SRP19: variants seen among roughly 807,000 people sequenced by gnomAD.
SRP19 encodes signal recognition particle 19 kDa protein.
SRP19 carries 11 observed loss-of-function variants against 22.4 expected under a neutral mutation model. The ratio of observed to expected loss-of-function variants is 0.49; its 90% confidence interval spans 0.31 to 0.81. The LOEUF (loss-of-function observed/expected upper bound fraction) is 0.81, where lower values mean the gene tolerates loss of function less well. SRP19 is among the 40% of genes least tolerant of loss of function. The pLI, the probability that SRP19 is intolerant of heterozygous loss-of-function variation, is 0.05. For synonymous variants in SRP19, 61 were observed against 57.6 expected (o/e 1.06, Z -0.27); for missense variants, 168 against 175.9 (o/e 0.96, Z 0.25).
chr5:112,889,088 T>C (rs541093826), intron 4 of SRP19, among the ~76,000 whole-genome samples: 8 of 150,910 alleles, frequency 5.3e-5, no homozygotes, highest in Admixed American at 1.3e-4. Flanking sequence ...TCCACCATGA[T>C]TGTGAGGTCT....
At chr5:112,884,389 T>A (rs1768168418) in intron 4 of SRP19, among the ~76,000 whole-genome samples, 1 of 145,632 alleles carries the variant, frequency 6.9e-6, no homozygotes, top group Admixed American at 6.9e-5. Flanking sequence ...CATTTTCTAT[T>A]TTTTTTTTTT....
intron 4 of SRP19, chr5:112,876,294 C>T (rs1359156488): frequency 6.6e-6 from 1 of 152,174 alleles, no homozygotes; most frequent in African/African-American, 2.4e-5. Flanking sequence ...GAGCAGTGTT[C>T]ATGGCTCATT....
intron 4 of SRP19, among the ~76,000 whole-genome samples, chr5:112,888,327 T>G (rs1768324471): frequency 6.6e-6 from 1 of 152,222 alleles, no homozygotes; most frequent in South Asian, 2.1e-4. Flanking sequence ...CACAAATAGC[T>G]CACTCCATCA....
At chr5:112,870,659 G>A (rs1349128458), downstream of SRP19, among the ~76,000 whole-genome samples, 1 of 152,194 alleles carries the variant, frequency 6.6e-6, no homozygotes, top group Non-Finnish European at 1.5e-5. Context: ...GAACCTTTGG[G>A]AGGTGATTGG....
At chr5:112,887,096 T>C (rs1486292875) in intron 4 of SRP19, 2 of 1,613,620 alleles carry the variant, frequency 1.2e-6, no homozygotes, top group Non-Finnish European at 1.7e-6. Flanking sequence ...GACTCGTGCT[T>C]CAGGAAGAAA....
downstream of SRP19, chr5:112,893,896 G>A (rs1302673022): frequency 1.3e-5 from 2 of 152,220 alleles, no homozygotes; most frequent in East Asian, 3.9e-4. Context: ...GCCAGCAGCA[G>A]ATCTTACTGA....
exon 5 of SRP19, chr5:112,892,882 C>T (rs771259435): frequency 1.3e-5 from 21 of 1,612,376 alleles, no homozygotes; most frequent in African/African-American, 5.4e-5. Context: ...ATCTCACAAA[C>T]GCACATCAAA....
intron 4 of SRP19, among the ~76,000 whole-genome samples, chr5:112,883,761 A>G (rs945768276): frequency 6.6e-6 from 1 of 152,146 alleles, no homozygotes; most frequent in African/African-American, 2.4e-5. Context: ...AATGTCCAGG[A>G]CTAAATTCCA....
At position 112,876,902 on chromosome 5, in the gene SRP19, G is replaced by GTAAC. The variant is rs1767911200; in HGVS notation, c.301+12172_301+12175dup. ...AGCCTGTAAGTCATTATGAGCAATA[G>GTAAC]TAACTTTTGTACCTCCTCATCTTGT... On this transcript the variant is annotated intron_variant, in intron 4 of 4. Coordinates refer to the SRP19 transcript ENST00000391338. 3 of 152,106 alleles carry GTAAC rather than the reference G, an allele frequency of 2.0e-5. No homozygotes were observed. The South Asian group carries it at 6.3e-4, about 32-fold the overall frequency. The allele number at this position is 152,106 out of a possible 1,614,324, so 9.4% of individuals were successfully genotyped here.
chr5:112,868,353 C>G lies in SRP19; in HGVS notation c.*816C>G, dbSNP rs893790034. 1.0e-6 allele frequency: 1 copy of G among 992,434 alleles called. No homozygotes were observed. The highest frequency in any genetic ancestry group is 1.2e-6 in the Non-Finnish European group (1 of 835,226). 61.5% of individuals were successfully genotyped at this position (992,434 alleles called of 1,614,324 possible). ...GCCTGGTTTAGCTCTTCCTTGAATT[C>G]TGCAAGCTATCTCATATTTTCAGTA... On this transcript the variant is annotated 3_prime_UTR_variant, in exon 5 of 5. Transcript: ENST00000505459.
intron 4 of SRP19, chr5:112,876,261 A>G (rs1436465419): frequency 6.6e-6 from 1 of 152,228 alleles, no homozygotes; most frequent in Non-Finnish European, 1.5e-5. Context: ...ACTACAAGCC[A>G]TGTGAGGAAT....
intron 4 of SRP19, among the ~76,000 whole-genome samples, chr5:112,875,259 A>C (rs972965860): frequency 3.3e-5 from 5 of 152,238 alleles, no homozygotes; most frequent in African/African-American, 1.2e-4. Flanking sequence ...TCTGAATTGT[A>C]CCTGTGTTAT....
intron 4 of SRP19, among the ~76,000 whole-genome samples, chr5:112,890,696 A>T (rs1768412292): frequency 6.6e-6 from 1 of 150,516 alleles, no homozygotes; most frequent in South Asian, 2.1e-4. Flanking sequence ...CACTCTAAAG[A>T]TATATACAGA....
At chr5:112,865,857 G>T (rs934718811) in intron 4 of SRP19, among the ~76,000 whole-genome samples, 2 of 152,156 alleles carry the variant, frequency 1.3e-5, no homozygotes, top group African/African-American at 4.8e-5. Context: ...CTCCCAAAGT[G>T]CTGGGATTAC....
At position 112,892,148 on chromosome 5, in the gene SRP19, T is replaced by A. The variant is rs768423518; in HGVS notation, c.*541T>A. ...GAACCACCCGTGGATTTCAGAGTAA[T>A]GGAGAAGGATCGAGCTAATTGTCCC... is the stretch of plus-strand genomic sequence containing the variant. On this transcript the variant is annotated 3_prime_UTR_variant, in exon 5 of 5. Transcript: ENST00000391338. 8 of 1,614,146 alleles carry A rather than the reference T, an allele frequency of 5.0e-6. No homozygotes were observed. In the South Asian group the frequency reaches 6.6e-5, roughly 13 times the overall value.
downstream of SRP19, among the ~76,000 whole-genome samples, chr5:112,873,075 G>A (rs1767792357): frequency 2.1e-5 from 3 of 142,946 alleles, no homozygotes; most frequent in African/African-American, 7.6e-5. Context: ...ACAGTTGTGT[G>A]CTTTGTGTGG....
At position 112,864,625 on chromosome 5, in the gene SRP19, A is replaced by G; in HGVS notation, c.194A>G (p.Asn65Ser). ...AVGLNVFLEK[N>S]KMYSREWNRD... ...CTTTTGTTTCGTTTATGTTAGAAAA[A>G]TAAAATGTACTCTAGAGAATGGAAT... Residue 65 changes from asparagine to serine, a missense_variant, in exon 4 of 5, where the codon AAT becomes AGT. Transcript: ENST00000505459. 2 of 1,613,946 alleles carry G rather than the reference A, an allele frequency of 1.2e-6. No homozygotes were observed. The highest frequency in any genetic ancestry group is 1.7e-6 in the Non-Finnish European group (2 of 1,179,892).
At chr5:112,883,652 A>C (rs1206233039) in intron 4 of SRP19, among the ~76,000 whole-genome samples, 38 of 152,162 alleles carry the variant, frequency 2.5e-4, no homozygotes, top group Admixed American at 2.5e-3. Context: ...CCAAATTTAT[A>C]TCTCCAGTCC....
chr5:112,892,640 T>C lies in SRP19; in HGVS notation c.*1033T>C, dbSNP rs572704298. On this transcript the variant is annotated 3_prime_UTR_variant, in exon 5 of 5. Coordinates refer to the SRP19 transcript ENST00000391338. Reference sequence around the variant, plus strand: ...CCAAGAGGAAAACACTGCAACTTTCTTCATGTGTTCAGAAATCCCAACAAT... The same window carrying C: ...CCAAGAGGAAAACACTGCAACTTTCCTCATGTGTTCAGAAATCCCAACAAT... 7 of 1,614,154 alleles carry C rather than the reference T, an allele frequency of 4.3e-6. No individual in the cohort carries two copies. The African/African-American group carries it at 9.3e-5, about 22-fold the overall frequency.
Sources: allele counts gnomAD v4.1 joint callset (sites outside exome capture counted in the v4.1 genomes callset), GRCh38; gene constraint gnomAD v4.1.1; transcripts MANE v1.5; gene names NCBI Gene and HGNC (gene_info 2026-07-23, HGNC 2026-07-21).